PTPRT: variants seen among roughly 807,000 people sequenced by gnomAD.
The protein encoded by PTPRT is receptor-type tyrosine-protein phosphatase T.
PTPRT carries 56 observed loss-of-function variants against 176.8 expected under a neutral mutation model. That is an observed-to-expected ratio of 0.32 (90% confidence interval 0.26 to 0.40). The LOEUF is 0.40. Ranked by LOEUF, PTPRT falls within the 10% of genes least tolerant of loss-of-function variation. The probability of loss-of-function intolerance (pLI) is 1.00; values close to 1 mark genes in which losing one functional copy is unlikely to be tolerated. For synonymous variants in PTPRT, 783 were observed against 739.0 expected (o/e 1.06, Z -0.96); for missense variants, 1,540 against 1,908.2 (o/e 0.81, Z 3.60).
intron 13 of PTPRT, among the ~76,000 whole-genome samples, chr20:42,256,575 A>G (rs537815526): frequency 6.6e-6 from 1 of 152,016 alleles, no homozygotes; most frequent in South Asian, 2.1e-4. Context: ...AGACTAGATG[A>G]TTAAATCAGG....
intron 1 of PTPRT, among the ~76,000 whole-genome samples, chr20:43,170,340 C>A (rs1173006271): frequency 6.6e-6 from 1 of 151,964 alleles, no homozygotes; most frequent in Non-Finnish European, 1.5e-5. Flanking sequence ...TATTAATTTC[C>A]ATAAAGAAAT....
At chr20:42,974,618 T>C (rs1332475475) in intron 1 of PTPRT, among the ~76,000 whole-genome samples, 1 of 152,328 alleles carries the variant, frequency 6.6e-6, no homozygotes, top group Middle Eastern at 3.4e-3. Flanking sequence ...AATGAGATCA[T>C]ATCTGCTAAA....
At chr20:42,215,353 T>C (rs1341254829) in intron 15 of PTPRT, among the ~76,000 whole-genome samples, 1 of 152,204 alleles carries the variant, frequency 6.6e-6, no homozygotes, top group East Asian at 1.9e-4. Flanking sequence ...TAGAATTTAA[T>C]ATACCCTAAT....
chr20:43,049,543 TA>T (rs1454374164), intron 1 of PTPRT, among the ~76,000 whole-genome samples: 2 of 152,170 alleles, frequency 1.3e-5, no homozygotes, highest in Non-Finnish European at 2.9e-5. Flanking sequence ...CAGACACAGG[TA>T]GACCCAAGGC....
intron 12 of PTPRT, among the ~76,000 whole-genome samples, chr20:42,299,084 A>C (rs1370515366): frequency 1.3e-5 from 2 of 152,050 alleles, no homozygotes; most frequent in Admixed American, 6.5e-5. Context: ...AATTTTCACA[A>C]AAAAAAACCG....
chr20:42,358,963 A>G (rs905783524), intron 9 of PTPRT, among the ~76,000 whole-genome samples: 8 of 152,188 alleles, frequency 5.3e-5, no homozygotes, highest in Non-Finnish European at 8.8e-5. Flanking sequence ...CGAGGGTAAT[A>G]TAGAGCCATT....
intron 7 of PTPRT, among the ~76,000 whole-genome samples, chr20:42,523,775 A>AT (rs1314367572): frequency 6.6e-6 from 1 of 151,682 alleles, no homozygotes; most frequent in Non-Finnish European, 1.5e-5. Flanking sequence ...CTTTAATTCC[A>AT]TTTTTTCCCT....
chr20:42,056,295 C>T, the PTPRT span, among the ~76,000 whole-genome samples: 3 of 152,158 alleles, frequency 2.0e-5, no homozygotes, highest in African/African-American at 7.2e-5. Flanking sequence ...CTTTTGTCAA[C>T]TTATAGGGCC....
At position 43,162,935 on chromosome 20, in the gene PTPRT, T is replaced by C. The variant is rs73618872; in HGVS notation, c.88+26711A>G. Reference sequence around the variant, plus strand: ...CATCTCCGTATGGTGATAGCCAACATGCCCATCTGTCTCCCCAAACCAGAC... The same window carrying C: ...CATCTCCGTATGGTGATAGCCAACACGCCCATCTGTCTCCCCAAACCAGAC... On this transcript the variant is annotated intron_variant, in intron 1 of 30. Coordinates refer to ENST00000373187, the MANE Select transcript of PTPRT (RefSeq NM_007050.6). 8.3e-4 allele frequency among the ~76,000 whole-genome samples: 127 copies of C among 152,332 alleles called. 2 individuals carry two copies. The East Asian group carries it at 0.024, about 29-fold the overall frequency.
At chr20:42,242,541 A>G (rs1480294477) in intron 14 of PTPRT, among the ~76,000 whole-genome samples, 2 of 152,252 alleles carry the variant, frequency 1.3e-5, no homozygotes, top group Non-Finnish European at 2.9e-5. Context: ...AAGGGTTTAT[A>G]GGAGAAAGTG....
Position 42,282,544 on chromosome 20 carries a change from A to G in PTPRT, c.2140-19T>C. The G allele has an allele frequency of 6.3e-7, 1 of 1,598,488 alleles. No homozygotes were observed. Among genetic ancestry groups the G allele is most frequent in the Non-Finnish European group, 8.5e-7 (1 of 1,169,804 alleles). ...TGGTCTCCTGTGAACAACAAAAATGAGATGCCAATTAATTAGCTGTGAGTT... is the reference window on the plus strand; with the variant it reads ...TGGTCTCCTGTGAACAACAAAAATGGGATGCCAATTAATTAGCTGTGAGTT... On this transcript the variant is annotated intron_variant, in intron 12 of 30. Transcript: ENST00000373187.
At chr20:42,044,771 T>G in the PTPRT span, among the ~76,000 whole-genome samples, 1 of 152,306 alleles carries the variant, frequency 6.6e-6, no homozygotes, top group Non-Finnish European at 1.5e-5. Context: ...ACAAACTTGG[T>G]GACTTAAAGC....
At chr20:42,362,200 G>C (rs771910331) in intron 9 of PTPRT, among the ~76,000 whole-genome samples, 2 of 152,144 alleles carry the variant, frequency 1.3e-5, no homozygotes, top group Non-Finnish European at 2.9e-5. Context: ...CAGGGAGGTC[G>C]AGGCTGCGGT....
chr20:42,116,113 G>A lies in PTPRT; in HGVS notation c.2983-798C>T, dbSNP rs1481029332. 4.2e-6 allele frequency: 3 copies of A among 718,716 alleles called. No individual in the cohort carries two copies. The African/African-American group carries it at 5.2e-5, about 13-fold the overall frequency. The allele number at this position is 718,716 out of a possible 1,614,324, so 44.5% of individuals were successfully genotyped here. Reference sequence around the variant, plus strand: ...TCCGCTGGGTGCTAATAGGTGTTAGGTAAAAAACAAGAAACAAAAAACAAA... The same window carrying A: ...TCCGCTGGGTGCTAATAGGTGTTAGATAAAAAACAAGAAACAAAAAACAAA... On this transcript the variant is annotated intron_variant, in intron 21 of 30. Transcript: ENST00000373187.
chr20:42,169,880 G>T (rs1236656722), intron 16 of PTPRT, among the ~76,000 whole-genome samples: 1 of 151,762 alleles, frequency 6.6e-6, no homozygotes, highest in Non-Finnish European at 1.5e-5. Context: ...TGGGGGCGGG[G>T]GCAGGGAATG....
chr20:42,517,906 T>C (rs1478372475), intron 7 of PTPRT, among the ~76,000 whole-genome samples: 1 of 152,024 alleles, frequency 6.6e-6, no homozygotes, highest in African/African-American at 2.4e-5. Flanking sequence ...TGAATTCTCA[T>C]GTATGCTTGG....
intron 1 of PTPRT, among the ~76,000 whole-genome samples, chr20:43,081,928 G>T (rs2011453632): frequency 6.6e-6 from 1 of 152,038 alleles, no homozygotes. Context: ...ATAGTTTGAG[G>T]CTATGTTGTT....
chr20:42,039,377 CAATAT>C, the PTPRT span, among the ~76,000 whole-genome samples: 1 of 151,950 alleles, frequency 6.6e-6, no homozygotes, highest in Non-Finnish European at 1.5e-5. Context: ...TTCAAATATA[CAATAT>C]GTTATTAGCT....
intron 1 of PTPRT, among the ~76,000 whole-genome samples, chr20:43,049,788 G>A (rs1106978): frequency 0.34 from 52,418 of 152,064 alleles, 11,182 homozygotes; most frequent in African/African-American, 0.59. Flanking sequence ...CATGAGGCCT[G>A]TTCATCCCTG....
Sources: allele counts gnomAD v4.1 joint callset (sites outside exome capture counted in the v4.1 genomes callset), GRCh38; gene constraint gnomAD v4.1.1; transcripts MANE v1.5; gene names NCBI Gene and HGNC (gene_info 2026-07-23, HGNC 2026-07-21).